ABCC1: variants seen among roughly 807,000 people sequenced by gnomAD.
ABCC1 encodes ATP binding cassette subfamily C member 1 (ABCC1 blood group).
ABCC1 carries 83 observed loss-of-function variants against 172.9 expected under a neutral mutation model. The ratio of observed to expected loss-of-function variants is 0.48; its 90% CI spans 0.40 to 0.58. ABCC1 has a LOEUF of 0.58. Ranked by LOEUF, ABCC1 falls within the 20% of genes least tolerant of loss-of-function variation. The pLI is 0.00. For synonymous variants in ABCC1, 937 were observed against 825.2 expected, an observed-to-expected ratio of 1.14 and a Z score of -2.32; for missense variants, 1,817 against 2,002.7, an observed-to-expected ratio of 0.91 and a Z score of 1.77.
intron 10 of ABCC1, 51 bp from the exon 11 acceptor site, chr16:16,052,673 C>T (rs768504347): frequency 1.3e-6 from 2 of 1,577,812 alleles, no homozygotes; most frequent in Non-Finnish European, 8.7e-7. Flanking sequence ...TGTTACGGGC[C>T]CTGTTTTCTT....
At chr16:16,076,793 G>A (rs757770923) in intron 15 of ABCC1, among the ~76,000 whole-genome samples, 8 of 152,120 alleles carry the variant, frequency 5.3e-5, no homozygotes, top group Non-Finnish European at 8.8e-5. Context: ...TTATCCTCAC[G>A]CATCCTCTCC....
intron 7 of ABCC1, among the ~76,000 whole-genome samples, chr16:16,037,879 T>C (rs1288274106): frequency 6.6e-6 from 1 of 152,078 alleles, no homozygotes; most frequent in African/African-American, 2.4e-5. Flanking sequence ...GTTTGGGTGG[T>C]CCAGGTGATG....
At chr16:16,065,887 TTTTTAACGGAGGTATAATTCACCA>T (rs2050095586) in intron 12 of ABCC1, among the ~76,000 whole-genome samples, 1 of 152,238 alleles carries the variant, frequency 6.6e-6, no homozygotes, top group Non-Finnish European at 1.5e-5. Flanking sequence ...GAAATGTATT[TTTTTAACGGAGGTATAATTCACCA>T]TTTAAAAGTG....
chr16:15,999,207 G>A (rs1038577300), intron 1 of ABCC1, among the ~76,000 whole-genome samples: 7 of 151,978 alleles, frequency 4.6e-5, no homozygotes, highest in Admixed American at 1.3e-4. Flanking sequence ...GGGTTTCACC[G>A]TGTTAGCCAG....
chr16:15,979,405 T>TTTA (rs1351519878), intron 1 of ABCC1, among the ~76,000 whole-genome samples: 1 of 150,568 alleles, frequency 6.6e-6, no homozygotes, highest in Non-Finnish European at 1.5e-5. Context: ...GTGTATTTAT[T>TTTA]AATTCTTTTG....
intron 16 of ABCC1, among the ~76,000 whole-genome samples, chr16:16,081,795 T>A (rs1249200130): frequency 1.3e-5 from 2 of 151,922 alleles, no homozygotes; most frequent in Non-Finnish European, 2.9e-5. Flanking sequence ...TGAGGCAGGT[T>A]GATCACCTGA....
chr16:16,101,195 C>A (rs1019180809), intron 19 of ABCC1, among the ~76,000 whole-genome samples: 4 of 151,990 alleles, frequency 2.6e-5, no homozygotes, highest in Non-Finnish European at 4.4e-5. Context: ...CCACGCCCAG[C>A]TAATTTTTGT....
chr16:16,076,330 G>T lies in ABCC1; in HGVS notation c.1917G>T (p.Gly639=). 1 of 1,612,520 alleles carries T rather than the reference G, an allele frequency of 6.2e-7. No individual in the cohort carries two copies. Among genetic ancestry groups the T allele is most frequent in the Non-Finnish European group, 8.5e-7 (1 of 1,179,320 alleles). Residue 639 remains glycine (G), a synonymous_variant, in exon 15 of 31, where the codon GGG becomes GGT. Transcript: ENST00000399410. ...SIERRPVKDG[G]GTNSITVRNA... is the part of the protein sequence containing the mutation. ...ACATGTCTCTGTGCTTTGTAGGCGG[G>T]GGCACGAACAGCATCACCGTGAGGA...
chr16:16,048,060 C>T, intron 9 of ABCC1, 82 bp from the exon 10 acceptor site: 2 of 1,511,964 alleles, frequency 1.3e-6, no homozygotes, highest in Non-Finnish European at 9.1e-7. Flanking sequence ...TGAGAGTCTC[C>T]TTCCTCTCCG....
chr16:16,075,070 G>A (rs1300244029), intron 14 of ABCC1, among the ~76,000 whole-genome samples: 2 of 150,690 alleles, frequency 1.3e-5, no homozygotes, highest in East Asian at 2.0e-4. Context: ...TCAGACTCCC[G>A]AGTAGCTGGG....
chr16:16,141,305 C>T lies in ABCC1; in HGVS notation c.*24C>T, dbSNP rs1451499116. 1 of 1,606,454 alleles carries T rather than the reference C, an allele frequency of 6.2e-7. No individual in the cohort carries two copies. The highest frequency in any genetic ancestry group is 1.3e-5 in the African/African-American group (1 of 74,906). On this transcript the variant is annotated 3_prime_UTR_variant, in exon 31 of 31. Coordinates refer to ENST00000399410, the MANE Select transcript of ABCC1 (RefSeq NM_004996.4). The stretch of plus-strand genomic sequence containing the variant: ...GAGCCCCAGAGCTGGCATATCTGGT[C>T]AGAACTGCAGGGCCTATATGCCAGC...
chr16:16,080,461 T>A (rs1313424112), intron 16 of ABCC1, among the ~76,000 whole-genome samples: 1 of 152,172 alleles, frequency 6.6e-6, no homozygotes, highest in Non-Finnish European at 1.5e-5. Flanking sequence ...AAGAGGCTCC[T>A]TTACAAATAA....
chr16:15,992,368 C>G (rs546639681), intron 1 of ABCC1, among the ~76,000 whole-genome samples: 3 of 152,146 alleles, frequency 2.0e-5, no homozygotes, highest in Non-Finnish European at 2.9e-5. Context: ...TCGTCTTCCA[C>G]AAAACCTATC....
intron 10 of ABCC1, among the ~76,000 whole-genome samples, chr16:16,050,018 G>GT (rs973102100): frequency 2.4e-4 from 37 of 151,560 alleles, no homozygotes; most frequent in African/African-American, 8.2e-4. Flanking sequence ...GTTTTGTTTT[G>GT]TTTTTTTTGC....
chr16:16,138,280 TC>T, intron 29 of ABCC1, 83 bp from the exon 30 acceptor site: 1 of 1,361,044 alleles, frequency 7.3e-7, no homozygotes, highest in South Asian at 1.4e-5. Context: ...GTGTCTCCTT[TC>T]GCTTCTCCCA....
chr16:16,142,879 C>G lies in ABCC1; in HGVS notation c.*1598C>G, dbSNP rs994187253. 3 of 152,556 alleles carry G rather than the reference C, an allele frequency of 2.0e-5. No individual in the cohort carries two copies. Among genetic ancestry groups the G allele is most frequent in the Non-Finnish European group, 4.4e-5 (3 of 68,024 alleles). The allele number at this position is 152,556 out of a possible 1,614,324, so 9.5% of individuals were successfully genotyped here. A position where few individuals can be genotyped will look rare whatever the true frequency, so the allele number is the denominator to read the frequency against. ...CAAGACTCAGACTTGCTAAGAATTA[C>G]GCCGCCGACTTCAAACCCAGAGAGC... On this transcript the variant is annotated 3_prime_UTR_variant, in exon 31 of 31. Coordinates refer to ENST00000399410, the MANE Select transcript of ABCC1 (RefSeq NM_004996.4).
chr16:16,006,842 C>CGTGGTG (rs71388786), intron 1 of ABCC1, among the ~76,000 whole-genome samples: 6,397 of 82,986 alleles, frequency 0.077, 471 homozygotes, highest in African/African-American at 0.18. Flanking sequence ...GGTTGTTATC[C>CGTGGTG]GTGGTGGTGG....
chr16:16,073,287 A>G (rs754954323), intron 14 of ABCC1, among the ~76,000 whole-genome samples: 21 of 152,196 alleles, frequency 1.4e-4, no homozygotes, highest in Non-Finnish European at 2.4e-4. Context: ...ATTCACACCC[A>G]CAGCCCATCG....
At chr16:16,024,606 C>G (rs1248218492) in intron 5 of ABCC1, among the ~76,000 whole-genome samples, 1 of 152,150 alleles carries the variant, frequency 6.6e-6, no homozygotes, top group African/African-American at 2.4e-5. Flanking sequence ...CCTGCCTTGG[C>G]CTCCCAAAAT....
Sources: gnomAD v4.1 joint callset for allele counts (sites outside exome capture counted in the v4.1 genomes callset) on GRCh38, gnomAD v4.1.1 for gene constraint, MANE v1.5 for transcripts, NCBI Gene and HGNC (gene_info 2026-07-23, HGNC 2026-07-21) for gene names.